Variants in DMD observed in about 807,000 individuals in gnomAD.
The protein encoded by DMD is dystrophin, also known as mutant dystrophin.
In DMD, 63 loss-of-function variants were observed where a neutral mutation model predicts 330.1. The observed-to-expected ratio is 0.19, with a 90% CI of 0.16 to 0.24. The LOEUF (loss-of-function observed/expected upper bound fraction) is 0.24. Ranked by LOEUF, DMD falls within the 10% of genes least tolerant of loss-of-function variation. DMD has a pLI of 1.00. For synonymous variants in DMD, 1,223 were observed against 959.8 expected (o/e 1.27, Z -5.07); for missense variants, 3,344 against 2,684.1 (o/e 1.25, Z -5.43).
Position 31,929,630 on chromosome X carries a change from T to G in DMD, c.6878A>C (p.Asn2293Thr). The G allele has an allele frequency of 2.5e-6, 3 of 1,211,442 alleles. No homozygotes were observed. Among genetic ancestry groups the G allele is most frequent in the Non-Finnish European group, 3.4e-6 (3 of 895,422 alleles). ...ISPEEQDKLENKLKQTNLQWI... is the reference protein window; with the variant it reads ...ISPEEQDKLETKLKQTNLQWI... ...CTGGAGATTTGTCTGCTTGAGCTTA[T>G]TTTCAAGTTTATCTTGCTCTTCTGG... The change falls in exon 47 of 79, where the codon AAT (asparagine) becomes ACT (threonine). Residue 2293 changes from asparagine to threonine, a missense_variant. Asn to Thr is a moderately conservative substitution (Grantham distance 65). Transcript: ENST00000357033.
intron 50 of DMD, among the ~76,000 whole-genome samples, chrX:31,802,666 G>T (rs1356015520): frequency 9.0e-6 from 1 of 111,651 alleles, no homozygotes; most frequent in Non-Finnish European, 1.9e-5. Flanking sequence ...CTGAAGAAAG[G>T]AATATATCAG....
intron 52 of DMD, among the ~76,000 whole-genome samples, chrX:31,684,343 C>G (rs1426682581): frequency 9.0e-6 from 1 of 111,607 alleles, no homozygotes; most frequent in Non-Finnish European, 1.9e-5. Context: ...GGTCAAAAGA[C>G]AAAGATGATG....
intron 5 of DMD, among the ~76,000 whole-genome samples, chrX:32,816,997 G>C (rs1361632668): frequency 8.9e-6 from 1 of 111,916 alleles, no homozygotes; most frequent in African/African-American, 3.2e-5. Flanking sequence ...AAGGACTTAA[G>C]ATATAAAAGC....
At chrX:32,484,781 C>T (rs949757878) in intron 21 of DMD, 138 bp downstream of exon 21, 1 of 630,763 alleles carries the variant, frequency 1.6e-6, no homozygotes, top group South Asian at 2.6e-5. Context: ...ACCAGTATTT[C>T]GTTCCTTGTT....
intron 61 of DMD, among the ~76,000 whole-genome samples, chrX:31,342,995 C>G (rs1204804571): frequency 9.0e-6 from 1 of 111,176 alleles, no homozygotes; most frequent in African/African-American, 3.3e-5. Flanking sequence ...CCAGGCTGGT[C>G]TTGAACTCCT....
intron 44 of DMD, among the ~76,000 whole-genome samples, chrX:32,033,636 A>AGAAC (rs1390966274): frequency 1.5e-5 from 1 of 66,734 alleles, no homozygotes; most frequent in East Asian, 5.0e-4. Flanking sequence ...AAAGAAAGAA[A>AGAAC]GAAAGAAAGA....
At chrX:31,685,226 CTCTT>C (rs2082612045) in intron 52 of DMD, among the ~76,000 whole-genome samples, 1 of 103,861 alleles carries the variant, frequency 9.6e-6, no homozygotes, top group Non-Finnish European at 2.0e-5. Flanking sequence ...CAATGTTTAC[CTCTT>C]TCTATTCAAT....
chrX:31,478,120 G>C lies in DMD; in HGVS notation c.8923C>G (p.Leu2975Val). The C allele has an allele frequency of 8.3e-7, 1 of 1,210,643 alleles. No individual in the cohort carries two copies. Among genetic ancestry groups the C allele is most frequent in the Non-Finnish European group, 1.1e-6 (1 of 895,126 alleles). Residue 2975 changes from leucine to valine, a missense_variant, in exon 59 of 79, where the codon CTC (leucine) becomes GTC (valine). By Grantham distance (32) the Leu-to-Val change is conservative. Coordinates refer to ENST00000357033, the MANE Select transcript of DMD (RefSeq NM_004006.3). ...GTAGACGGTACCTTGACTTTCTCGA[G>C]GTGATCTTGGAGAGAGTCAATGAGG... is the stretch of plus-strand genomic sequence containing the variant. ...DLLIDSLQDH[L>V]EKVKALRGEI...
At chrX:31,310,201 CTCTCCA>C (rs200542214) in intron 62 of DMD, among the ~76,000 whole-genome samples, 1 of 93,204 alleles carries the variant, frequency 1.1e-5, no homozygotes, top group African/African-American at 4.6e-5. Context: ...CTCTCTCTCT[CTCTCCA>C]TATATATATA....
At chrX:32,700,981 TAA>T (rs1359164383) in intron 7 of DMD, among the ~76,000 whole-genome samples, 1 of 112,057 alleles carries the variant, frequency 8.9e-6, no homozygotes, top group Non-Finnish European at 1.9e-5. Flanking sequence ...AAAGTATTTT[TAA>T]AAAGAGTTAC....
chrX:32,911,338 G>A (rs1342762455), intron 2 of DMD, among the ~76,000 whole-genome samples: 2 of 111,836 alleles, frequency 1.8e-5, no homozygotes, highest in Non-Finnish European at 3.8e-5. Flanking sequence ...TCAAAAGGCT[G>A]TGCTCCCAAG....
chrX:32,025,807 CT>C (rs2095842103), intron 44 of DMD, among the ~76,000 whole-genome samples: 1 of 111,735 alleles, frequency 8.9e-6, no homozygotes, highest in Non-Finnish European at 1.9e-5. Flanking sequence ...GTCAAGAAGT[CT>C]CCCTAAGACC....
intron 2 of DMD, among the ~76,000 whole-genome samples, chrX:33,009,221 CAT>C (rs1491374978): frequency 7.2e-5 from 2 of 27,760 alleles, no homozygotes; most frequent in East Asian, 3.5e-3. Flanking sequence ...CACATATGTG[CAT>C]ATATGTGTAT....
intron 44 of DMD, among the ~76,000 whole-genome samples, chrX:31,997,680 A>T (rs2095598015): frequency 9.1e-6 from 1 of 110,229 alleles, no homozygotes; most frequent in Admixed American, 9.7e-5. Flanking sequence ...TTAATATTCC[A>T]AATTTGCTAC....
intron 2 of DMD, among the ~76,000 whole-genome samples, chrX:32,937,871 C>T (rs769964486): frequency 9.0e-6 from 1 of 110,920 alleles, no homozygotes; most frequent in Admixed American, 9.7e-5. Context: ...TGACTATCAA[C>T]GATTTGAATT....
At position 32,644,141 on chromosome X, in the gene DMD, T is replaced by C. The variant is rs1435928229; in HGVS notation, c.1322A>G (p.Lys441Arg). The C allele has an allele frequency of 8.3e-7, 1 of 1,207,492 alleles. No individual in the cohort carries two copies. The change falls in exon 11 of 79, where the codon AAA becomes AGA. Residue 441 changes from lysine (K) to arginine (R), a missense_variant. Coordinates refer to ENST00000357033, the MANE Select transcript of DMD (RefSeq NM_004006.3). ...ACAAATAAGGACTTACTTGCTTTGT[T>C]TTTCCATGCTAGCTACCCTGAGGCA... ...WECLRVASMEKQSNLHRVLMD... is the reference protein window; with the variant it reads ...WECLRVASMERQSNLHRVLMD...
chrX:33,075,950 C>T (rs770355180), intron 1 of DMD, among the ~76,000 whole-genome samples: 11 of 111,929 alleles, frequency 9.8e-5, no homozygotes, highest in Non-Finnish European at 1.1e-4. Context: ...TTAGAAATTA[C>T]GGTTTAGTAG....
At chrX:33,070,424 T>C (rs1282706336) in intron 1 of DMD, among the ~76,000 whole-genome samples, 1 of 110,129 alleles carries the variant, frequency 9.1e-6, no homozygotes, top group African/African-American at 3.3e-5. Context: ...ACAAAAGTTA[T>C]GGTACAATTC....
intron 44 of DMD, among the ~76,000 whole-genome samples, chrX:32,152,201 T>G (rs2096806998): frequency 8.9e-6 from 1 of 112,042 alleles, no homozygotes; most frequent in Admixed American, 9.5e-5. Context: ...CATTACAATG[T>G]TCCCTCCAGG....
Sources: allele counts gnomAD v4.1 joint callset (sites outside exome capture counted in the v4.1 genomes callset), GRCh38; gene constraint gnomAD v4.1.1; transcripts MANE v1.5; gene names NCBI Gene and HGNC (gene_info 2026-07-23, HGNC 2026-07-21).